Variants in RALGPS2 observed in about 807,000 individuals in gnomAD.
The protein encoded by RALGPS2 is Ral GEF with PH domain and SH3 binding motif 2.
A neutral mutation model predicts 86.8 loss-of-function variants in RALGPS2; 43 were observed. The observed-to-expected ratio is 0.50, with a 90% CI of 0.39 to 0.64. The LOEUF is 0.64. Among genes scored for constraint, RALGPS2 ranks in the 30% least tolerant of loss-of-function variants. The probability of loss-of-function intolerance (pLI) is 0.00; values close to 1 mark genes in which losing one functional copy is unlikely to be tolerated. For missense variants in RALGPS2, 536 were observed against 694.6 expected (o/e 0.77, Z 2.57); for synonymous variants, 243 against 231.3 (o/e 1.05, Z -0.46).
chr1:178,823,021 T>TG (rs369738112), intron 7 of RALGPS2, among the ~76,000 whole-genome samples: 23 of 152,254 alleles, frequency 1.5e-4, no homozygotes, highest in African/African-American at 5.5e-4. Context: ...GGGGTCTCAC[T>TG]GTGTTGTCCA....
intron 19 of RALGPS2, among the ~76,000 whole-genome samples, chr1:178,912,020 A>C (rs59149566): frequency 0.052 from 7,946 of 152,196 alleles, 722 homozygotes; most frequent in African/African-American, 0.18. Context: ...TAAGACTAGC[A>C]ACCTTTGTTC....
chr1:178,729,981 G>C (rs1010966021), intron 1 of RALGPS2, among the ~76,000 whole-genome samples: 1 of 151,736 alleles, frequency 6.6e-6, no homozygotes, highest in Non-Finnish European at 1.5e-5. Context: ...TTGCTCTATC[G>C]CCCAGGCTGA....
At chr1:178,821,795 T>C in intron 7 of RALGPS2, 91 bp downstream of exon 7, 1 of 993,930 alleles carries the variant, frequency 1.0e-6, no homozygotes, top group South Asian at 1.6e-5. Context: ...TTAAAGTTAA[T>C]ATAATGATAA....
At chr1:178,893,245 ATT>A (rs11445608) in intron 15 of RALGPS2, among the ~76,000 whole-genome samples, 3 of 145,746 alleles carry the variant, frequency 2.1e-5, no homozygotes, top group Non-Finnish European at 3.0e-5. Context: ...TTATTTTGTG[ATT>A]TTTTTTTTTT....
intron 14 of RALGPS2, among the ~76,000 whole-genome samples, chr1:178,891,917 T>G (rs1301646289): frequency 6.9e-5 from 3 of 43,532 alleles, no homozygotes; most frequent in East Asian, 3.4e-4. Context: ...ATTTTTGAGG[T>G]TTTTTTTTTA....
At chr1:178,819,201 C>G (rs1558133249) in intron 6 of RALGPS2, among the ~76,000 whole-genome samples, 1 of 151,992 alleles carries the variant, frequency 6.6e-6, no homozygotes, top group Non-Finnish European at 1.5e-5. Context: ...CCATGTTGCC[C>G]AGGCTGTTCA....
At chr1:178,771,527 G>A (rs1036769460) in intron 1 of RALGPS2, among the ~76,000 whole-genome samples, 10 of 151,906 alleles carry the variant, frequency 6.6e-5, no homozygotes, top group African/African-American at 2.4e-4. Flanking sequence ...TAATTTTGAT[G>A]TACTCAGTTA....
intron 7 of RALGPS2, among the ~76,000 whole-genome samples, chr1:178,828,902 A>G (rs576865441): frequency 1.3e-5 from 2 of 152,344 alleles, no homozygotes; most frequent in South Asian, 4.1e-4. Context: ...TATGTGATCC[A>G]GCAATCCCAT....
intron 8 of RALGPS2, among the ~76,000 whole-genome samples, chr1:178,839,205 A>G (rs1210856630): frequency 6.6e-6 from 1 of 152,194 alleles, no homozygotes; most frequent in Non-Finnish European, 1.5e-5. Flanking sequence ...CAAGACACAT[A>G]ATTGCCAGAT....
chr1:178,772,238 T>C (rs1016140094), intron 1 of RALGPS2, among the ~76,000 whole-genome samples: 19 of 152,356 alleles, frequency 1.2e-4, no homozygotes, highest in Non-Finnish European at 2.2e-4. Context: ...TTGGTTTTCT[T>C]GTTTGTCTTA....
intron 16 of RALGPS2, among the ~76,000 whole-genome samples, 179 bp from the exon 17 acceptor site, chr1:178,897,485 G>A (rs1659999460): frequency 6.6e-6 from 1 of 152,016 alleles, no homozygotes; most frequent in South Asian, 2.1e-4. Context: ...CTACAAACAG[G>A]TAGTTACATG....
Position 178,874,640 on chromosome 1 carries a change from A to G in RALGPS2, c.608-2858A>G, listed in dbSNP as rs115532922. ...TCTGTGCTACTTTTTTATATCTTCT[A>G]TTGCTGTTATTGATGTACATATGCC... On this transcript the variant is annotated intron_variant, in intron 8 of 19. Transcript: ENST00000367635. Among the ~76,000 whole-genome samples, 1,065 of 152,172 alleles carry G rather than the reference A, an allele frequency of 7.0e-3. 9 individuals are homozygous for G. Among genetic ancestry groups the G allele is most frequent in the African/African-American group, 0.024 (986 of 41,504 alleles).
At chr1:178,853,622 T>C (rs1427764933) in intron 8 of RALGPS2, 5 of 1,599,528 alleles carry the variant, frequency 3.1e-6, no homozygotes, top group Non-Finnish European at 4.3e-6. Flanking sequence ...TCTGAAGAAG[T>C]TGACAGAGCC....
chr1:178,913,977 C>T (rs912844048), intron 19 of RALGPS2, among the ~76,000 whole-genome samples: 2 of 152,172 alleles, frequency 1.3e-5, no homozygotes, highest in African/African-American at 4.8e-5. Context: ...CTGGTAAAAG[C>T]ACTATGGTGA....
chr1:178,893,817 A>G, intron 15 of RALGPS2, 102 bp from the exon 16 acceptor site: 1 of 766,180 alleles, frequency 1.3e-6, no homozygotes, highest in Non-Finnish European at 2.1e-6. Context: ...TGAATAAAGT[A>G]ACAAACTTTT....
intron 8 of RALGPS2, among the ~76,000 whole-genome samples, chr1:178,859,883 A>AT (rs1239995203): frequency 7.4e-6 from 1 of 134,636 alleles, no homozygotes; most frequent in Non-Finnish European, 1.6e-5. Context: ...CGCCTGGCTA[A>AT]TTTTTTTGTA....
intron 13 of RALGPS2, 33 bp from the exon 14 acceptor site, chr1:178,889,609 A>T (rs1185096485): frequency 1.4e-6 from 2 of 1,442,208 alleles, no homozygotes; most frequent in African/African-American, 2.8e-5. Flanking sequence ...GGTAATTCTG[A>T]TGTTTAAAAA....
intron 8 of RALGPS2, chr1:178,852,704 T>C (rs1399397124): frequency 6.2e-7 from 1 of 1,613,526 alleles, no homozygotes; most frequent in East Asian, 2.2e-5. Flanking sequence ...TCTTTATCTC[T>C]GTCCAGTGTG....
intron 4 of RALGPS2, among the ~76,000 whole-genome samples, chr1:178,794,140 A>C (rs1031336495): frequency 1.3e-5 from 2 of 151,700 alleles, no homozygotes; most frequent in Admixed American, 1.3e-4. Flanking sequence ...TTTTTGAGAC[A>C]TGATCTCACA....
Sources: gnomAD v4.1 joint callset for allele counts (sites outside exome capture counted in the v4.1 genomes callset) on GRCh38, gnomAD v4.1.1 for gene constraint, MANE v1.5 for transcripts, NCBI Gene and HGNC (gene_info 2026-07-23, HGNC 2026-07-21) for gene names.